The following NELL2 variants were observed in gnomAD, a reference collection of about 807,000 sequenced individuals.
NELL2 encodes protein kinase C-binding protein NELL2.
A neutral mutation model predicts 109.6 loss-of-function variants in NELL2; 41 were observed. The observed-to-expected ratio is 0.37, with a 90% confidence interval of 0.29 to 0.49. The LOEUF (loss-of-function observed/expected upper bound fraction) is 0.49, where lower values mean the gene tolerates loss of function less well. NELL2 is among the 20% of genes least tolerant of loss of function. The pLI, the probability that NELL2 is intolerant of heterozygous loss-of-function variation, is 0.98. For missense variants in NELL2, 900 were observed against 1,008.3 expected, an observed-to-expected ratio of 0.89 and a Z score of 1.45; for synonymous variants, 355 against 344.7, an observed-to-expected ratio of 1.03 and a Z score of -0.33.
At chr12:44,718,840 T>TCGA (rs1362388116) in intron 9 of NELL2, among the ~76,000 whole-genome samples, 1 of 152,176 alleles carries the variant, frequency 6.6e-6, no homozygotes, top group African/African-American at 2.4e-5. Context: ...GCATATTTAC[T>TCGA]CGACTCTAGT....
At chr12:44,509,237 T>G (rs1940868733) in intron 19 of NELL2, among the ~76,000 whole-genome samples, 1 of 152,216 alleles carries the variant, frequency 6.6e-6, no homozygotes, top group South Asian at 2.1e-4. Flanking sequence ...GTTCTTTCAT[T>G]TATTTGCAAA....
intron 13 of NELL2, among the ~76,000 whole-genome samples, chr12:44,646,962 TGG>T (rs1947117885): frequency 6.6e-6 from 1 of 152,178 alleles, no homozygotes; most frequent in Non-Finnish European, 1.5e-5. Flanking sequence ...ACCTAAAAGA[TGG>T]TTAATAAGAT....
At chr12:44,524,503 T>C (rs929213323) in intron 16 of NELL2, among the ~76,000 whole-genome samples, 2 of 152,198 alleles carry the variant, frequency 1.3e-5, no homozygotes, top group Non-Finnish European at 2.9e-5. Context: ...GGGCGCTGTA[T>C]ACTGATTCTC....
intron 9 of NELL2, among the ~76,000 whole-genome samples, chr12:44,730,634 A>G (rs1251935717): frequency 6.6e-6 from 1 of 152,130 alleles, no homozygotes; most frequent in East Asian, 1.9e-4. Context: ...CAGCAAAAGC[A>G]GTAAAAAAGG....
At chr12:44,612,403 T>G (rs1945654387) in intron 13 of NELL2, among the ~76,000 whole-genome samples, 1 of 151,818 alleles carries the variant, frequency 6.6e-6, no homozygotes, top group South Asian at 2.1e-4. Context: ...TCACCAAGGT[T>G]CTAGAACTGC....
intron 13 of NELL2, among the ~76,000 whole-genome samples, chr12:44,624,400 C>T (rs2136276005): frequency 6.6e-6 from 1 of 152,212 alleles, no homozygotes; most frequent in Non-Finnish European, 1.5e-5. Context: ...CAGCAATGTC[C>T]TGCTCTAGGG....
At chr12:44,900,798 G>C (rs1945651116) in intron 1 of NELL2, among the ~76,000 whole-genome samples, 2 of 152,122 alleles carry the variant, frequency 1.3e-5, no homozygotes, top group Non-Finnish European at 2.9e-5. Context: ...AGACCTTCCT[G>C]GCCAACATGG....
intron 13 of NELL2, among the ~76,000 whole-genome samples, chr12:44,654,469 T>C (rs553028681): frequency 1.3e-5 from 2 of 152,220 alleles, no homozygotes; most frequent in African/African-American, 4.8e-5. Flanking sequence ...CTGCTAGCCA[T>C]ACCTTTGTGT....
intron 11 of NELL2, among the ~76,000 whole-genome samples, chr12:44,704,209 G>C (rs1195287759): frequency 6.6e-6 from 1 of 152,036 alleles, no homozygotes; most frequent in Non-Finnish European, 1.5e-5. Flanking sequence ...ACAATGAGAA[G>C]GTAATCTGGT....
intron 1 of NELL2, among the ~76,000 whole-genome samples, chr12:44,896,642 A>C (rs1945596195): frequency 6.6e-6 from 1 of 152,204 alleles, no homozygotes; most frequent in Non-Finnish European, 1.5e-5. Context: ...ATATCACTTA[A>C]TGTACTAGAT....
At chr12:44,658,461 A>C (rs1366536827) in intron 13 of NELL2, among the ~76,000 whole-genome samples, 1 of 152,142 alleles carries the variant, frequency 6.6e-6, no homozygotes, top group Non-Finnish European at 1.5e-5. Flanking sequence ...AAATGGAAAA[A>C]CATTCCATGC....
In NELL2 at chr12:44,902,433, C is replaced by G. The variant is rs148931897; in HGVS notation, c.38+11366G>C. Among the ~76,000 whole-genome samples the G allele has an allele frequency of 6.6e-5, 10 of 152,272 alleles. No individual in the cohort carries two copies. In the East Asian group the frequency reaches 1.5e-3, roughly 23 times the overall value. On this transcript the variant is annotated intron_variant, in intron 1 of 20. Transcript: ENST00000333837. ...AAACAAATGGAAAAATCATTCCATG[C>G]TCATGGATAGGAAGAATTAATATCG...
intron 11 of NELL2, among the ~76,000 whole-genome samples, chr12:44,710,863 T>C (rs1345124190): frequency 6.6e-6 from 1 of 152,068 alleles, no homozygotes; most frequent in Non-Finnish European, 1.5e-5. Flanking sequence ...TTTGAAGTAG[T>C]CATAATGAAA....
At chr12:44,558,146 G>T (rs1461236262) in intron 15 of NELL2, among the ~76,000 whole-genome samples, 1 of 152,182 alleles carries the variant, frequency 6.6e-6, no homozygotes, top group Non-Finnish European at 1.5e-5. Context: ...ATTACTTAAG[G>T]TAATGAAACT....
chr12:44,601,873 G>A (rs1470803), intron 15 of NELL2, among the ~76,000 whole-genome samples: 46,772 of 151,938 alleles, frequency 0.31, 7,467 homozygotes, highest in East Asian at 0.5. Flanking sequence ...GCTGGTAATA[G>A]AACTAGTTCT....
At chr12:44,668,289 C>T (rs922206441) in intron 12 of NELL2, among the ~76,000 whole-genome samples, 1 of 152,150 alleles carries the variant, frequency 6.6e-6, no homozygotes, top group South Asian at 2.1e-4. Flanking sequence ...CTGAGAGCCG[C>T]CTGCCCAGGG....
At chr12:44,573,413 G>A (rs967909857) in intron 15 of NELL2, among the ~76,000 whole-genome samples, 4 of 152,138 alleles carry the variant, frequency 2.6e-5, no homozygotes, top group Admixed American at 2.6e-4. Flanking sequence ...CTAGGAGAAA[G>A]TGTAACTCCA....
intron 16 of NELL2, among the ~76,000 whole-genome samples, chr12:44,528,746 A>G (rs1941913548): frequency 6.6e-6 from 1 of 152,176 alleles, no homozygotes. Context: ...AATTTCTATC[A>G]AAAAAAGTGA....
chr12:44,816,691 G>C (rs769345754), intron 2 of NELL2, among the ~76,000 whole-genome samples: 2 of 152,132 alleles, frequency 1.3e-5, no homozygotes, highest in Non-Finnish European at 1.5e-5. Flanking sequence ...CAGTGGAAGA[G>C]GCATTAAGAT....
Sources: allele counts gnomAD v4.1 joint callset (sites outside exome capture counted in the v4.1 genomes callset), GRCh38; gene constraint gnomAD v4.1.1; transcripts MANE v1.5; gene names NCBI Gene and HGNC (gene_info 2026-07-23, HGNC 2026-07-21).